Variants in PDLIM5 observed in about 807,000 individuals in gnomAD.
PDLIM5 encodes PDZ and LIM domain protein 5.
In PDLIM5, 34 loss-of-function variants were observed where a neutral mutation model predicts 64.2. The ratio of observed to expected loss-of-function variants is 0.53; its 90% confidence interval spans 0.40 to 0.71. The LOEUF (loss-of-function observed/expected upper bound fraction) is 0.71. PDLIM5 is among the 30% of genes least tolerant of loss of function. PDLIM5 has a pLI of 0.00. For synonymous variants in PDLIM5, 253 were observed against 269.1 expected (o/e 0.94, Z 0.59); for missense variants, 683 against 733.6 (o/e 0.93, Z 0.80).
At chr4:94,626,892 C>A (rs535234680) in intron 8 of PDLIM5, among the ~76,000 whole-genome samples, 3 of 151,648 alleles carry the variant, frequency 2.0e-5, no homozygotes, top group Non-Finnish European at 4.4e-5. Context: ...GATATAAATT[C>A]TATCTTTTAT....
chr4:94,650,436 T>A (rs1741752792), intron 9 of PDLIM5, among the ~76,000 whole-genome samples: 1 of 152,218 alleles, frequency 6.6e-6, no homozygotes, highest in Non-Finnish European at 1.5e-5. Context: ...CACGTCAGTT[T>A]TTTTATAGCT....
At chr4:94,568,243 A>G (rs1245116370) in intron 3 of PDLIM5, among the ~76,000 whole-genome samples, 1 of 152,238 alleles carries the variant, frequency 6.6e-6, no homozygotes, top group Non-Finnish European at 1.5e-5. Context: ...GAACACAACC[A>G]TGGTCACTTA....
intron 8 of PDLIM5, among the ~76,000 whole-genome samples, chr4:94,624,882 G>A (rs745897247): frequency 2.0e-5 from 3 of 152,184 alleles, no homozygotes; most frequent in African/African-American, 7.2e-5. Flanking sequence ...TTTATAAGCC[G>A]GAAGTGGCAA....
chr4:94,548,125 C>T (rs1256830550), intron 3 of PDLIM5, among the ~76,000 whole-genome samples: 1 of 152,156 alleles, frequency 6.6e-6, no homozygotes, highest in Non-Finnish European at 1.5e-5. Context: ...CAACTGTACT[C>T]TGTTCTTTCA....
chr4:94,480,372 T>C (rs1384972353), intron 2 of PDLIM5, among the ~76,000 whole-genome samples: 1 of 152,220 alleles, frequency 6.6e-6, no homozygotes, highest in Non-Finnish European at 1.5e-5. Context: ...GAAATTTTAT[T>C]ACAAGGCATT....
At chr4:94,497,184 G>C (rs1003730489) in intron 2 of PDLIM5, among the ~76,000 whole-genome samples, 4 of 152,156 alleles carry the variant, frequency 2.6e-5, no homozygotes, top group African/African-American at 9.7e-5. Flanking sequence ...TCAAAAGAAG[G>C]CATTGTAAAT....
At chr4:94,456,562 A>G (rs777968412) in intron 2 of PDLIM5, 7 of 714,506 alleles carry the variant, frequency 9.8e-6, no homozygotes, top group East Asian at 2.7e-5. Flanking sequence ...CTATTAATAT[A>G]TAAGGAGGTA....
chr4:94,662,108 C>T (rs1381189915), intron 11 of PDLIM5, among the ~76,000 whole-genome samples: 5 of 152,044 alleles, frequency 3.3e-5, no homozygotes, highest in African/African-American at 1.2e-4. Flanking sequence ...CATGAGCAAC[C>T]GCGCCCGGCC....
chr4:94,521,806 G>A (rs1005353193), intron 2 of PDLIM5, among the ~76,000 whole-genome samples: 1 of 151,986 alleles, frequency 6.6e-6, no homozygotes, highest in East Asian at 1.9e-4. Flanking sequence ...ACTACTTTAT[G>A]TGAGGATGGT....
intron 7 of PDLIM5, chr4:94,587,722 G>A: frequency 4.1e-6 from 4 of 984,648 alleles, no homozygotes; most frequent in Non-Finnish European, 4.8e-6. Context: ...ACCCCTATTT[G>A]CAATGGAGAA....
At chr4:94,551,801 A>T (rs1298479701) in intron 3 of PDLIM5, among the ~76,000 whole-genome samples, 1 of 152,146 alleles carries the variant, frequency 6.6e-6, no homozygotes, top group Non-Finnish European at 1.5e-5. Flanking sequence ...AAGTGGTCAC[A>T]ACTGAGGTCA....
At chr4:94,619,100 A>G (rs1415843201) in intron 8 of PDLIM5, among the ~76,000 whole-genome samples, 1 of 152,150 alleles carries the variant, frequency 6.6e-6, no homozygotes, top group Non-Finnish European at 1.5e-5. Flanking sequence ...ATCTCTGGGA[A>G]TTGCACATCC....
intron 2 of PDLIM5, among the ~76,000 whole-genome samples, chr4:94,457,827 G>A (rs1723515536): frequency 6.6e-6 from 1 of 152,204 alleles, no homozygotes; most frequent in Non-Finnish European, 1.5e-5. Flanking sequence ...TAGACAGAGT[G>A]CTAATTAAAG....
At chr4:94,661,414 A>G (rs938672366) in intron 11 of PDLIM5, among the ~76,000 whole-genome samples, 3 of 152,286 alleles carry the variant, frequency 2.0e-5, no homozygotes, top group Admixed American at 6.5e-5. Context: ...AAGAAAAAAA[A>G]AGAAAATTCT....
chr4:94,605,526 A>G (rs553873495), intron 7 of PDLIM5, among the ~76,000 whole-genome samples: 2 of 152,352 alleles, frequency 1.3e-5, no homozygotes, highest in South Asian at 4.1e-4. Flanking sequence ...CAGATATGCT[A>G]TTAATCAGAG....
rs546523911 is a variant in PDLIM5 at position 94,579,593 on chromosome 4, C to T, written c.710+3559C>T. On this transcript the variant is annotated intron_variant, in intron 5 of 12. Coordinates refer to ENST00000317968, the MANE Select transcript of PDLIM5 (RefSeq NM_006457.5). ...TGGTGATTTATATATGAGTAAACAG[C>T]ATGAATGCCTGATTTTTGCAAAATT... 75 of 901,342 alleles carry T rather than the reference C, an allele frequency of 8.3e-5. No individual in the cohort carries two copies. In the African/African-American group the frequency reaches 1.0e-3, roughly 12 times the overall value. The allele number at this position is 901,342 out of a possible 1,614,324, so 55.8% of individuals were successfully genotyped here. A position where few individuals can be genotyped will look rare whatever the true frequency, so the allele number is the denominator to read the frequency against.
chr4:94,660,309 ATCCT>A (rs1742580205), intron 11 of PDLIM5, among the ~76,000 whole-genome samples: 1 of 152,048 alleles, frequency 6.6e-6, no homozygotes, highest in Admixed American at 6.5e-5. Flanking sequence ...ACATGCTGAG[ATCCT>A]TCCTTCTTTG....
intron 12 of PDLIM5, among the ~76,000 whole-genome samples, chr4:94,663,127 A>G (rs1289385968): frequency 6.6e-6 from 1 of 152,210 alleles, no homozygotes; most frequent in African/African-American, 2.4e-5. Context: ...AAATGTAGGA[A>G]GTAAATATCC....
At chr4:94,481,290 CTTTT>C (rs35147211) in intron 2 of PDLIM5, among the ~76,000 whole-genome samples, 9 of 129,614 alleles carry the variant, frequency 6.9e-5, no homozygotes, top group Admixed American at 2.3e-4. Flanking sequence ...CAGCTTATTC[CTTTT>C]TTTTTTTTTT....
Sources: allele counts gnomAD v4.1 joint callset (sites outside exome capture counted in the v4.1 genomes callset), GRCh38; gene constraint gnomAD v4.1.1; transcripts MANE v1.5; gene names NCBI Gene and HGNC (gene_info 2026-07-23, HGNC 2026-07-21).